The following CAMKMT variants were observed in gnomAD, a reference collection of about 807,000 sequenced individuals.
CAMKMT encodes calmodulin-lysine N-methyltransferase.
Under a neutral mutation model 48.0 loss-of-function variants are expected in CAMKMT, and 53 were observed. The observed-to-expected ratio is 1.10, with a 90% CI of 0.89 to 1.39. The LOEUF (loss-of-function observed/expected upper bound fraction) is 1.39, where lower values mean the gene tolerates loss of function less well. Among genes scored for constraint, CAMKMT ranks in the 40% most tolerant of loss-of-function variants. The probability of loss-of-function intolerance (pLI) is 0.00; values close to 1 mark genes in which losing one functional copy is unlikely to be tolerated. For synonymous variants in CAMKMT, 165 were observed against 152.3 expected, an observed-to-expected ratio of 1.08 and a Z score of -0.61; for missense variants, 428 against 402.7, an observed-to-expected ratio of 1.06 and a Z score of -0.54.
chr2:44,772,334 C>G lies in CAMKMT; in HGVS notation c.*221C>G, dbSNP rs1000073538. 2.4e-5 allele frequency: 11 copies of G among 450,616 alleles called. No homozygotes were observed. Among genetic ancestry groups the G allele is most frequent in the Non-Finnish European group, 3.5e-5 (9 of 253,670 alleles). The allele number at this position is 450,616 out of a possible 1,614,324, so 27.9% of individuals were successfully genotyped here. ...CACTCTGCTTGTTGCTCGTCCTGCC[C>G]TAAACCTTTGTTTGTCTTTAAATGT... On this transcript the variant is annotated 3_prime_UTR_variant, in exon 11 of 11. Coordinates refer to ENST00000378494, the MANE Select transcript of CAMKMT (RefSeq NM_024766.5).
intron 7 of CAMKMT, among the ~76,000 whole-genome samples, chr2:44,741,587 A>G (rs1679678391): frequency 6.6e-6 from 1 of 152,232 alleles, no homozygotes; most frequent in African/African-American, 2.4e-5. Flanking sequence ...CTGCTGTGCT[A>G]AAGCTGAACT....
At chr2:44,374,048 C>G (rs994405569) in intron 2 of CAMKMT, among the ~76,000 whole-genome samples, 3 of 142,918 alleles carry the variant, frequency 2.1e-5, no homozygotes, top group Non-Finnish European at 1.5e-5. Context: ...TGATTGAGCC[C>G]GGGAGGTTGA....
At chr2:44,758,423 C>T (rs956873110) in intron 9 of CAMKMT, among the ~76,000 whole-genome samples, 1 of 152,098 alleles carries the variant, frequency 6.6e-6, no homozygotes, top group African/African-American at 2.4e-5. Flanking sequence ...GGCACCTGTG[C>T]CTGAAAAGTC....
chr2:44,472,529 A>G (rs1219374656), intron 3 of CAMKMT, among the ~76,000 whole-genome samples: 1 of 152,212 alleles, frequency 6.6e-6, no homozygotes, highest in Non-Finnish European at 1.5e-5. Flanking sequence ...TATACTATCT[A>G]AAAACATTCA....
chr2:44,689,544 C>T (rs1030182291), intron 3 of CAMKMT, among the ~76,000 whole-genome samples: 10 of 152,066 alleles, frequency 6.6e-5, no homozygotes, highest in Non-Finnish European at 1.0e-4. Context: ...ACTTCCCCCA[C>T]GTAAAGGAAT....
chr2:44,686,070 C>T (rs1331937298), intron 3 of CAMKMT, among the ~76,000 whole-genome samples: 2 of 152,132 alleles, frequency 1.3e-5, no homozygotes, highest in Admixed American at 6.5e-5. Context: ...CCTTCATCAG[C>T]TCTCATCTGA....
At position 44,499,304 on chromosome 2, in the gene CAMKMT, G is replaced by T. The variant is rs1669900801; in HGVS notation, c.376+108999G>T. 2.6e-5 allele frequency among the ~76,000 whole-genome samples: 4 copies of T among 152,312 alleles called. No homozygotes were observed. In the South Asian group the frequency reaches 8.3e-4, roughly 32 times the overall value. ...TAGCACTGCATATGCTGACCTTGGA[G>T]AGTGACCTCTTTTCTGTCTATTACT... On this transcript the variant is annotated intron_variant, in intron 3 of 10. Transcript: ENST00000378494.
intron 3 of CAMKMT, chr2:44,456,887 A>C (rs1667591553): frequency 3.1e-6 from 1 of 322,000 alleles, no homozygotes; most frequent in Non-Finnish European, 5.6e-6. Flanking sequence ...TCATTCAAGC[A>C]AGCTTCTCGG....
At chr2:44,410,057 A>T (rs1339176675) in intron 3 of CAMKMT, among the ~76,000 whole-genome samples, 1 of 151,694 alleles carries the variant, frequency 6.6e-6, no homozygotes, top group African/African-American at 2.4e-5. Context: ...AGTTTTTAGT[A>T]TGTTTTCTTT....
intron 3 of CAMKMT, among the ~76,000 whole-genome samples, chr2:44,522,436 T>G (rs961266152): frequency 6.6e-6 from 1 of 152,208 alleles, no homozygotes; most frequent in Admixed American, 6.5e-5. Context: ...TAATAAGCAC[T>G]TCTCTCTCTT....
intron 3 of CAMKMT, among the ~76,000 whole-genome samples, chr2:44,551,319 T>G (rs1475020420): frequency 6.6e-6 from 1 of 152,112 alleles, no homozygotes; most frequent in Non-Finnish European, 1.5e-5. Flanking sequence ...GACTCTAAAT[T>G]CTCACTGTTC....
At chr2:44,500,375 A>G (rs1669948200) in intron 3 of CAMKMT, among the ~76,000 whole-genome samples, 1 of 152,216 alleles carries the variant, frequency 6.6e-6, no homozygotes, top group South Asian at 2.1e-4. Flanking sequence ...TCAGACTTCA[A>G]AAACATTGTT....
At chr2:44,518,303 C>T (rs1670934211) in intron 3 of CAMKMT, among the ~76,000 whole-genome samples, 2 of 152,116 alleles carry the variant, frequency 1.3e-5, no homozygotes, top group Non-Finnish European at 2.9e-5. Context: ...TGTGGCATAA[C>T]TATTTGCATT....
intron 3 of CAMKMT, among the ~76,000 whole-genome samples, chr2:44,650,519 C>T (rs961541011): frequency 3.3e-5 from 5 of 152,150 alleles, no homozygotes; most frequent in Non-Finnish European, 5.9e-5. Flanking sequence ...TTCCAAGTGA[C>T]GTTTCTTTAT....
intron 3 of CAMKMT, among the ~76,000 whole-genome samples, chr2:44,470,922 A>C (rs1039769292): frequency 2.3e-4 from 35 of 149,740 alleles, no homozygotes; most frequent in African/African-American, 7.6e-4. Context: ...TTGGATTTTG[A>C]GAGCTCTTTG....
intron 3 of CAMKMT, among the ~76,000 whole-genome samples, chr2:44,700,125 C>G (rs1677179762): frequency 6.6e-6 from 1 of 152,222 alleles, no homozygotes; most frequent in African/African-American, 2.4e-5. Flanking sequence ...ACATCTTGAA[C>G]TAACCTCCAC....
intron 9 of CAMKMT, among the ~76,000 whole-genome samples, chr2:44,755,111 C>T (rs1005534905): frequency 6.6e-6 from 1 of 152,164 alleles, no homozygotes; most frequent in African/African-American, 2.4e-5. Context: ...ATCTGATAAT[C>T]ATCCTTTGCC....
intron 3 of CAMKMT, among the ~76,000 whole-genome samples, chr2:44,689,264 T>TTTTATTTA (rs148599125): frequency 0.24 from 32,665 of 135,982 alleles, 4,224 homozygotes; most frequent in Non-Finnish European, 0.27. Flanking sequence ...CAGCACTATT[T>TTTTATTTA]TTTATTTATT....
chr2:44,593,567 C>T (rs1290111297), intron 3 of CAMKMT, among the ~76,000 whole-genome samples: 2 of 152,164 alleles, frequency 1.3e-5, no homozygotes, highest in Non-Finnish European at 2.9e-5. Flanking sequence ...TTGTTGGACT[C>T]ACTCACCTCA....
Sources: allele counts gnomAD v4.1 joint callset (sites outside exome capture counted in the v4.1 genomes callset), GRCh38; gene constraint gnomAD v4.1.1; transcripts MANE v1.5; gene names NCBI Gene and HGNC (gene_info 2026-07-23, HGNC 2026-07-21).